The following TBC1D17 variants were observed in gnomAD, a reference collection of about 807,000 sequenced individuals.
TBC1D17 encodes the protein TBC1 domain family, member 17.
In TBC1D17, 69 loss-of-function variants were observed where a neutral mutation model predicts 78.8. The ratio of observed to expected loss-of-function variants is 0.88; its 90% CI spans 0.72 to 1.07. The LOEUF (loss-of-function observed/expected upper bound fraction) is 1.07. Among genes scored for constraint, TBC1D17 ranks in the 50% least tolerant of loss-of-function variants. The probability of loss-of-function intolerance (pLI) is 0.00; values close to 1 mark genes in which losing one functional copy is unlikely to be tolerated. For missense variants in TBC1D17, 957 were observed against 861.0 expected, an observed-to-expected ratio of 1.11 and a Z score of -1.39; for synonymous variants, 456 against 358.3, an observed-to-expected ratio of 1.27 and a Z score of -3.08.
At position 49,882,846 on chromosome 19, in the gene TBC1D17, G is replaced by A; in HGVS notation, c.881G>A (p.Gly294Asp). 6.2e-7 allele frequency: 1 copy of A among 1,611,490 alleles called. No homozygotes were observed. Among genetic ancestry groups the A allele is most frequent in the Non-Finnish European group, 8.5e-7 (1 of 1,179,320 alleles). Reference sequence around the variant, plus strand: ...TGGGCACGCCACGTGGGCCCTGAAGGTCGCCTGCAGCAGGTCCCTGAGCTG... The same window carrying A: ...TGGGCACGCCACGTGGGCCCTGAAGATCGCCTGCAGCAGGTCCCTGAGCTG... ...EEWARHVGPE[G>D]RLQQVPELKN... The change falls in exon 8 of 17, where the codon GGT becomes GAT. Residue 294 changes from glycine (G) to aspartate (D), a missense_variant. By Grantham distance (94) the Gly-to-Asp change is moderately conservative (BLOSUM62 -1). Transcript: ENST00000221543.
rs140456383 is a variant in TBC1D17 at position 49,887,052 on chromosome 19, G to A, written c.1445-424G>A. 1,316 of 221,372 alleles carry A rather than the reference G, an allele frequency of 5.9e-3. 21 individuals are homozygous for A. The highest frequency in any genetic ancestry group is 0.029 in the African/African-American group (1,241 of 43,074). The allele number at this position is 221,372 out of a possible 1,614,324, so 13.7% of individuals were successfully genotyped here. ...GGGTTTTACCATGTTGGCCTGGCTG[G>A]TCTCGAACTCCTGACCTCAGGTGAT... is the stretch of plus-strand genomic sequence containing the variant. On this transcript the variant is annotated intron_variant, in intron 13 of 16. Transcript: ENST00000221543.
At chr19:49,878,931 C>G (rs767265154) in intron 3 of TBC1D17, 3 of 259,030 alleles carry the variant, frequency 1.2e-5, no homozygotes, top group Non-Finnish European at 1.5e-5. Flanking sequence ...TACTCACCCA[C>G]TTCGTCACTG....
At chr19:49,884,587 A>G in intron 12 of TBC1D17, 28 bp downstream of exon 12, 1 of 1,613,748 alleles carries the variant, frequency 6.2e-7, no homozygotes, top group African/African-American at 1.3e-5. Flanking sequence ...GGTGGGACAC[A>G]GGCCTATCGA....
At chr19:49,878,706 C>G (rs539918289) in intron 3 of TBC1D17, 134 bp downstream of exon 3, 1 of 760,282 alleles carries the variant, frequency 1.3e-6, no homozygotes, top group African/African-American at 1.7e-5. Flanking sequence ...GGCTTGGGTA[C>G]TCTGCCTCTC....
rs2075080296 is a variant in TBC1D17, at chr19:49,888,228, C to CG, written c.1660-3_1660-2insG. 1.3e-6 allele frequency: 2 copies of CG among 1,579,140 alleles called. No individual in the cohort carries two copies. Among genetic ancestry groups the CG allele is most frequent in the Non-Finnish European group, 1.7e-6 (2 of 1,163,288 alleles). ...CTGGCGCCTGACCCACCCCCTCCCGCAGCACATCAACGAGCTGACTATGAA... is the reference window on the plus strand; with the variant it reads ...CTGGCGCCTGACCCACCCCCTCCCGCGAGCACATCAACGAGCTGACTATGAA... On this transcript the variant is annotated splice_region_variant and splice_polypyrimidine_tract_variant and intron_variant, in intron 15 of 16. Transcript: ENST00000221543.
At position 49,888,134 on chromosome 19, in the gene TBC1D17, G is replaced by C. The variant is rs772821095; in HGVS notation, c.1660-97G>C. On this transcript the variant is annotated intron_variant, in intron 15 of 16. Coordinates refer to ENST00000221543, the MANE Select transcript of TBC1D17 (RefSeq NM_024682.3). ...TTCTGAGCCCCCAGAGGGCCAGCCC[G>C]GTGTGTCTTCATTGTTTCCCAGCAC... 50 of 1,536,126 alleles carry C rather than the reference G, an allele frequency of 3.3e-5. 1 individual carries two copies. The highest frequency in any genetic ancestry group is 2.7e-4 in the South Asian group (22 of 82,948).
chr19:49,877,978 A>C (rs1016853605), intron 1 of TBC1D17, 165 bp from the exon 2 acceptor site: 1 of 708,168 alleles, frequency 1.4e-6, no homozygotes, highest in African/African-American at 1.9e-5. Context: ...AACGCACGTC[A>C]GCATCCGAAC....
chr19:49,878,086 TC>T, intron 1 of TBC1D17, 56 bp from the exon 2 acceptor site: 1 of 1,422,326 alleles, frequency 7.0e-7, no homozygotes. Flanking sequence ...CCCTATTGGC[TC>T]CCCAGGCTGG....
At chr19:49,887,440 T>A in intron 13 of TBC1D17, 36 bp from the exon 14 acceptor site, 1 of 1,601,300 alleles carries the variant, frequency 6.2e-7, no homozygotes, top group Non-Finnish European at 8.5e-7. Context: ...GTCCCAGCGC[T>A]GGGCAAGGCT....
chr19:49,887,637 C>T (rs1437626309), intron 14 of TBC1D17, 64 bp downstream of exon 14: 17 of 1,609,478 alleles, frequency 1.1e-5, no homozygotes, highest in Non-Finnish European at 1.3e-5. Flanking sequence ...GGAGGTTGGG[C>T]GGAGAGGGAC....
Position 49,878,567 on chromosome 19 carries a change from A to C in TBC1D17, c.190A>C (p.Lys64Gln). 1.2e-6 allele frequency: 2 copies of C among 1,614,052 alleles called. No individual in the cohort carries two copies. The highest frequency in any genetic ancestry group is 2.7e-5 in the African/African-American group (2 of 75,044). Residue 64 changes from lysine (K) to glutamine (Q), a missense_variant, in exon 3 of 17, where the codon AAG (lysine) becomes CAG (glutamine). By Grantham distance (53) the Lys-to-Gln change is moderately conservative. Coordinates refer to ENST00000221543, the MANE Select transcript of TBC1D17 (RefSeq NM_024682.3). ...AGATTCCACCCAAATCCTCTTCTCC[A>C]AGAAGGTAGGCTCCACCCGCTTTGC... ...AGDSTQILFSKKDSSGGDSCA... is the reference protein window; with the variant it reads ...AGDSTQILFSQKDSSGGDSCA...
At position 49,888,295 on chromosome 19, in the gene TBC1D17, A is replaced by G. The variant is rs1344907532; in HGVS notation, c.1724A>G (p.His575Arg). 2.1e-5 allele frequency: 33 copies of G among 1,586,852 alleles called. No individual in the cohort carries two copies. Among genetic ancestry groups the G allele is most frequent in the Non-Finnish European group, 2.8e-5 (33 of 1,167,262 alleles). Residue 575 changes from histidine to arginine, a missense_variant, in exon 16 of 17, where the codon CAC becomes CGC. His to Arg is a conservative substitution (Grantham distance 29). Transcript: ENST00000221543. ...GTGCTGACCCGCGCCGAGGCCCTGCACCGCCAGCTAACCGCCTGCCCCGTG... is the reference window on the plus strand; with the variant it reads ...GTGCTGACCCGCGCCGAGGCCCTGCGCCGCCAGCTAACCGCCTGCCCCGTG... The part of the protein sequence containing the change: ...EDVLTRAEAL[H>R]RQLTACPELP...
At chr19:49,880,161 T>C (rs2075000511) in intron 3 of TBC1D17, 118 bp from the exon 4 acceptor site, 49 of 1,353,198 alleles carry the variant, frequency 3.6e-5, no homozygotes, top group Non-Finnish European at 4.6e-5. Flanking sequence ...CCCGGCCTGC[T>C]GTACCTTCTT....
chr19:49,878,100 C>T, intron 1 of TBC1D17, 43 bp from the exon 2 acceptor site: 2 of 1,505,802 alleles, frequency 1.3e-6, no homozygotes, highest in Non-Finnish European at 9.0e-7. Context: ...CAGGCTGGTC[C>T]CCTCGCTTGG....
rs1361710922 is a variant in TBC1D17, at chr19:49,884,543, G to A, written c.1328G>A (p.Gly443Asp). ...GTGGATGCTTTCTGGTGTTTCTGTG[G>A]CTTCATGGAGCTCGTGGTGAGGCTT... ...NEVDAFWCFCGFMELVQGNFE... is the reference protein window; with the variant it reads ...NEVDAFWCFCDFMELVQGNFE... Residue 443 changes from glycine (G) to aspartate (D), a missense_variant, in exon 12 of 17, where the codon GGC (glycine) becomes GAC (aspartate). Physicochemically the swap from Gly to Asp is moderately conservative, Grantham distance 94. Transcript: ENST00000221543. 4 of 1,614,054 alleles carry A rather than the reference G, an allele frequency of 2.5e-6. No homozygotes were observed. Among genetic ancestry groups the A allele is most frequent in the Non-Finnish European group, 3.4e-6 (4 of 1,180,028 alleles).
intron 3 of TBC1D17, 21 bp downstream of exon 3, chr19:49,878,593 C>T (rs762713110): frequency 1.9e-5 from 31 of 1,612,294 alleles, no homozygotes; most frequent in African/African-American, 9.3e-5. Flanking sequence ...CCCGCTTTGC[C>T]CTTCTCCACT....
rs748338362 is a variant in TBC1D17 at position 49,882,984 on chromosome 19, C to T, written c.939C>T (p.Pro313=). The part of the protein sequence containing the change: ...KNRIFSGGLS[P]SLRREAWKFL... The stretch of plus-strand genomic sequence containing the variant: ...TCCTGCACCCCCAGGGTCTGAGCCC[C>T]AGCCTGCGGCGCGAGGCCTGGAAGT... Residue 313 remains proline (P), a synonymous_variant, in exon 9 of 17, where the codon CCC becomes CCT. Transcript: ENST00000221543. 2 of 1,609,700 alleles carry T rather than the reference C, an allele frequency of 1.2e-6. No individual in the cohort carries two copies. Among genetic ancestry groups the T allele is most frequent in the East Asian group, 2.2e-5 (1 of 44,768 alleles).
At chr19:49,880,633 G>A (rs559900670) in intron 4 of TBC1D17, among the ~76,000 whole-genome samples, 11 of 152,292 alleles carry the variant, frequency 7.2e-5, no homozygotes, top group African/African-American at 2.6e-4. Flanking sequence ...CTGGGCTCCC[G>A]GATTGGCTGT....
chr19:49,881,986 T>A, intron 5 of TBC1D17, 55 bp from the exon 6 acceptor site: 1 of 1,475,076 alleles, frequency 6.8e-7, no homozygotes, highest in Non-Finnish European at 9.5e-7. Context: ...ACAGACAGCC[T>A]GGGACACTGG....
Sources: gnomAD v4.1 joint callset for allele counts (sites outside exome capture counted in the v4.1 genomes callset) on GRCh38, gnomAD v4.1.1 for gene constraint, MANE v1.5 for transcripts, NCBI Gene and HGNC (gene_info 2026-07-23, HGNC 2026-07-21) for gene names.